Variants in MYO3B observed in about 807,000 individuals in gnomAD.
MYO3B encodes myosin-IIIb.
In MYO3B, 156 loss-of-function variants were observed where a neutral mutation model predicts 174.6. The ratio of observed to expected loss-of-function variants is 0.89; its 90% CI spans 0.78 to 1.02. The LOEUF is 1.02. Among genes scored for constraint, MYO3B ranks in the 50% least tolerant of loss-of-function variants. The probability of loss-of-function intolerance (pLI) is 0.00; values close to 1 mark genes in which losing one functional copy is unlikely to be tolerated. For synonymous variants in MYO3B, 563 were observed against 569.1 expected, an observed-to-expected ratio of 0.99 and a Z score of 0.15; for missense variants, 1,632 against 1,639.4, an observed-to-expected ratio of 1.00 and a Z score of 0.08.
intron 7 of MYO3B, among the ~76,000 whole-genome samples, chr2:170,284,350 A>T (rs2093538092): frequency 6.6e-6 from 1 of 152,190 alleles, no homozygotes; most frequent in African/African-American, 2.4e-5. Context: ...CATTCCCTAT[A>T]TTCAAATGTT....
At chr2:170,401,760 A>T in intron 18 of MYO3B, 69 bp downstream of exon 18, 2 of 1,420,978 alleles carry the variant, frequency 1.4e-6, no homozygotes, top group Non-Finnish European at 1.9e-6. Flanking sequence ...TAGAGTTTGC[A>T]AAAGGAAGCA....
chr2:170,198,473 G>A lies in MYO3B; in HGVS notation c.3-735G>A, dbSNP rs189102731. Among the ~76,000 whole-genome samples, 542 of 152,266 alleles carry A rather than the reference G, an allele frequency of 3.6e-3. 2 individuals are homozygous for A. Among genetic ancestry groups the A allele is most frequent in the Non-Finnish European group, 5.3e-3 (363 of 68,012 alleles). On this transcript the variant is annotated intron_variant, in intron 1 of 34. Transcript: ENST00000408978. ...TCTGTTTTCCTCCTTCAGGAGGAAG[G>A]AACAAGAATTGGACTAGAAGAAGAA...
In MYO3B at chr2:170,392,078, G is replaced by A. The variant is rs373177699; in HGVS notation, c.1677-303G>A. Among the ~76,000 whole-genome samples the A allele has an allele frequency of 4.1e-5, 6 of 147,638 alleles. No individual in the cohort carries two copies. In the East Asian group the frequency reaches 6.0e-4, roughly 15 times the overall value. ...GTCGAGGCTGCAGTGAGCCAAGTTC[G>A]TGCCACTGCGCTCCAGCCTGGGTGA... On this transcript the variant is annotated intron_variant, in intron 15 of 34. Transcript: ENST00000408978.
intron 7 of MYO3B, among the ~76,000 whole-genome samples, chr2:170,282,430 T>C (rs752270562): frequency 3.9e-5 from 6 of 152,150 alleles, no homozygotes; most frequent in South Asian, 2.1e-4. Flanking sequence ...TAGGTTTACT[T>C]TGGGTTTATC....
chr2:170,308,382 G>T (rs566337097), intron 7 of MYO3B, among the ~76,000 whole-genome samples: 1 of 152,324 alleles, frequency 6.6e-6, no homozygotes, highest in South Asian at 2.1e-4. Flanking sequence ...TGCGACACAT[G>T]CATCTCTCTC....
chr2:170,584,386 T>A (rs1182000090), intron 32 of MYO3B, among the ~76,000 whole-genome samples: 1 of 152,220 alleles, frequency 6.6e-6, no homozygotes, highest in Non-Finnish European at 1.5e-5. Flanking sequence ...TACCAATTAG[T>A]CCACACTATC....
intron 32 of MYO3B, among the ~76,000 whole-genome samples, chr2:170,544,317 A>G (rs1175166395): frequency 6.6e-6 from 1 of 152,214 alleles, no homozygotes; most frequent in Non-Finnish European, 1.5e-5. Context: ...CAGGGTCGAA[A>G]TCTAGGAGTT....
chr2:170,549,080 G>A (rs1690717821), intron 32 of MYO3B, among the ~76,000 whole-genome samples: 2 of 152,132 alleles, frequency 1.3e-5, no homozygotes, highest in Admixed American at 1.3e-4. Flanking sequence ...GAACTCTTAT[G>A]TATGTAGTAC....
At chr2:170,388,684 G>A (rs899274269) in intron 14 of MYO3B, among the ~76,000 whole-genome samples, 9 of 152,194 alleles carry the variant, frequency 5.9e-5, no homozygotes, top group Non-Finnish European at 1.2e-4. Flanking sequence ...TTAGGAGGCT[G>A]TTGCCAGATT....
chr2:170,364,031 A>G (rs184744299), intron 8 of MYO3B, among the ~76,000 whole-genome samples: 1 of 152,288 alleles, frequency 6.6e-6, no homozygotes, highest in Admixed American at 6.5e-5. Context: ...TCAGGAAAAT[A>G]TCTCCCCAGG....
chr2:170,580,313 A>G (rs1462135676), intron 32 of MYO3B, among the ~76,000 whole-genome samples: 1 of 152,126 alleles, frequency 6.6e-6, no homozygotes, highest in Non-Finnish European at 1.5e-5. Flanking sequence ...ACCTAATTTT[A>G]TATTTATAAT....
chr2:170,470,102 C>CAAAAAA (rs34472083), intron 25 of MYO3B, among the ~76,000 whole-genome samples: 29 of 46,332 alleles, frequency 6.3e-4, no homozygotes, highest in African/African-American at 2.1e-3. Flanking sequence ...AACTCCGTCT[C>CAAAAAA]AAAAAAAAAA....
At chr2:170,187,694 T>C (rs960919668) in intron 1 of MYO3B, among the ~76,000 whole-genome samples, 1 of 152,244 alleles carries the variant, frequency 6.6e-6, no homozygotes, top group African/African-American at 2.4e-5. Flanking sequence ...TACAATACAC[T>C]TTTATGTTTC....
intron 6 of MYO3B, among the ~76,000 whole-genome samples, chr2:170,225,202 C>T (rs1467968211): frequency 6.6e-6 from 1 of 152,204 alleles, no homozygotes; most frequent in East Asian, 1.9e-4. Flanking sequence ...ATAAATCTTA[C>T]AACACTACCA....
intron 32 of MYO3B, among the ~76,000 whole-genome samples, chr2:170,547,030 G>A (rs2106214216): frequency 6.6e-6 from 1 of 152,264 alleles, no homozygotes; most frequent in African/African-American, 2.4e-5. Context: ...AGTATAAGAA[G>A]TGTCCCTGGC....
At chr2:170,583,827 C>CT (rs1013995675) in intron 32 of MYO3B, among the ~76,000 whole-genome samples, 4 of 152,122 alleles carry the variant, frequency 2.6e-5, no homozygotes, top group Non-Finnish European at 5.9e-5. Flanking sequence ...TACATTGTGA[C>CT]TTCAGACTCA....
chr2:170,514,258 G>A (rs895423663), intron 28 of MYO3B, among the ~76,000 whole-genome samples: 2 of 152,232 alleles, frequency 1.3e-5, no homozygotes, highest in African/African-American at 4.8e-5. Flanking sequence ...AAGAAGAGAT[G>A]TGACAGCTGG....
chr2:170,427,204 T>C (rs1235109595), intron 22 of MYO3B, among the ~76,000 whole-genome samples: 1 of 152,230 alleles, frequency 6.6e-6, no homozygotes, highest in Non-Finnish European at 1.5e-5. Context: ...AGAGTTGTGA[T>C]GCTTGTAGAG....
chr2:170,462,555 A>T (rs939825306), intron 23 of MYO3B, among the ~76,000 whole-genome samples: 16 of 152,360 alleles, frequency 1.1e-4, no homozygotes, highest in African/African-American at 3.6e-4. Context: ...ACGGCAGTCC[A>T]CCCAGCCTAA....
Sources: gnomAD v4.1 joint callset for allele counts (sites outside exome capture counted in the v4.1 genomes callset) on GRCh38, gnomAD v4.1.1 for gene constraint, MANE v1.5 for transcripts, NCBI Gene and HGNC (gene_info 2026-07-23, HGNC 2026-07-21) for gene names.